KCNQ5: variants seen among roughly 807,000 people sequenced by gnomAD.
KCNQ5 encodes potassium voltage-gated channel subfamily KQT member 5.
In KCNQ5, 30 loss-of-function variants were observed where a neutral mutation model predicts 98.2. That is an observed-to-expected ratio of 0.31 (90% CI 0.23 to 0.41). KCNQ5 has a LOEUF of 0.41. Ranked by LOEUF, KCNQ5 falls within the 10% of genes least tolerant of loss-of-function variation. The probability of loss-of-function intolerance (pLI) is 1.00; values close to 1 mark genes in which losing one functional copy is unlikely to be tolerated. For missense variants in KCNQ5, 835 were observed against 1,182.5 expected, an observed-to-expected ratio of 0.71 and a Z score of 4.31; for synonymous variants, 458 against 449.4, an observed-to-expected ratio of 1.02 and a Z score of -0.24.
At chr6:73,179,455 T>C (rs9446861) in intron 11 of KCNQ5, among the ~76,000 whole-genome samples, 55,015 of 151,964 alleles carry the variant, frequency 0.36, 11,081 homozygotes, top group East Asian at 0.56. Flanking sequence ...ACAGCCAGAG[T>C]CCTCATGATC....
chr6:73,086,386 C>T (rs1773988780), intron 5 of KCNQ5, among the ~76,000 whole-genome samples: 1 of 152,172 alleles, frequency 6.6e-6, no homozygotes, highest in East Asian at 1.9e-4. Context: ...TCCTTTCACA[C>T]TGCCTGGGCT....
intron 5 of KCNQ5, among the ~76,000 whole-genome samples, chr6:73,103,981 A>G (rs989130707): frequency 6.6e-6 from 1 of 152,104 alleles, no homozygotes; most frequent in Non-Finnish European, 1.5e-5. Flanking sequence ...TCATAAATAT[A>G]TATACCTACT....
chr6:72,624,227 T>G (rs2098916959), intron 1 of KCNQ5, among the ~76,000 whole-genome samples: 1 of 152,250 alleles, frequency 6.6e-6, no homozygotes, highest in African/African-American at 2.4e-5. Context: ...TCCTCTGACC[T>G]GATATGTAAT....
intron 1 of KCNQ5, among the ~76,000 whole-genome samples, chr6:72,793,159 C>A (rs2154478314): frequency 6.6e-6 from 1 of 152,332 alleles, no homozygotes; most frequent in Admixed American, 6.5e-5. Flanking sequence ...TGTTTGTAAT[C>A]ATCTGAACTT....
At chr6:72,905,203 G>GCTTC in intron 1 of KCNQ5, among the ~76,000 whole-genome samples, 1 of 152,156 alleles carries the variant, frequency 6.6e-6, no homozygotes, top group South Asian at 2.1e-4. Context: ...TTCTATAAGT[G>GCTTC]CATCCGATGC....
rs553069907 is a variant in KCNQ5 at position 72,711,939 on chromosome 6, A to C, written c.398+89352A>C. On this transcript the variant is annotated intron_variant, in intron 1 of 13. Coordinates refer to ENST00000370398, the MANE Select transcript of KCNQ5 (RefSeq NM_019842.4). ...GAAACATCCAAGTGGAGAATCAGTC[A>C]GTGAATGAATCTGGAGCTCAGAGAA... Among the ~76,000 whole-genome samples the C allele has an allele frequency of 1.1e-3, 166 of 152,332 alleles. 1 individual carries two copies. Among genetic ancestry groups the C allele is most frequent in the Non-Finnish European group, 1.9e-3 (127 of 68,024 alleles).
intron 1 of KCNQ5, among the ~76,000 whole-genome samples, chr6:72,965,734 C>T (rs1432995945): frequency 1.3e-5 from 2 of 152,174 alleles, no homozygotes; most frequent in Non-Finnish European, 2.9e-5. Context: ...TAAGGTTTAT[C>T]TTATTAGCAT....
In KCNQ5 at chr6:73,085,509, C is replaced by T. The variant is rs146220375; in HGVS notation, c.918+7622C>T. ...ATCAGAGGGGAGAAAGTTATTGAGG[C>T]TGGGGGTTCAGTTGCTGGCTGTTCA... On this transcript the variant is annotated intron_variant, in intron 5 of 13. Coordinates refer to ENST00000370398, the MANE Select transcript of KCNQ5 (RefSeq NM_019842.4). 4.6e-3 allele frequency among the ~76,000 whole-genome samples: 694 copies of T among 152,280 alleles called. 2 individuals are homozygous for T. Among genetic ancestry groups the T allele is most frequent in the African/African-American group, 0.016 (659 of 41,558 alleles).
chr6:72,922,661 T>C (rs1260072815), intron 1 of KCNQ5, among the ~76,000 whole-genome samples: 1 of 152,144 alleles, frequency 6.6e-6, no homozygotes, highest in Non-Finnish European at 1.5e-5. Flanking sequence ...CATGCGGTAT[T>C]TGCTTTCTAT....
chr6:72,825,131 C>A (rs1053623262), intron 1 of KCNQ5, among the ~76,000 whole-genome samples: 3 of 148,642 alleles, frequency 2.0e-5, no homozygotes, highest in African/African-American at 7.8e-5. Flanking sequence ...GAGAAAAAAA[C>A]AAAACAAAAC....
chr6:72,987,419 C>G, intron 1 of KCNQ5: 1 of 698,510 alleles, frequency 1.4e-6, no homozygotes, highest in South Asian at 1.4e-5. Context: ...GGACGGGAAC[C>G]TAGTTTGGCC....
Position 73,124,632 on chromosome 6 carries a change from T to C in KCNQ5, c.1247+120T>C, listed in dbSNP as rs568296426. Reference sequence around the variant, plus strand: ...ATACAAGATGATTAAAAGTGACCTTTCACAAGATTGCCTGCAAAGATTGCT... The same window carrying C: ...ATACAAGATGATTAAAAGTGACCTTCCACAAGATTGCCTGCAAAGATTGCT... On this transcript the variant is annotated intron_variant, in intron 9 of 13. Transcript: ENST00000370398. 85 of 905,692 alleles carry C rather than the reference T, an allele frequency of 9.4e-5. No homozygotes were observed. In the African/African-American group the frequency reaches 1.3e-3, roughly 14 times the overall value. The allele number at this position is 905,692 out of a possible 1,614,324, so 56.1% of individuals were successfully genotyped here.
chr6:72,858,534 A>C (rs1014461071), intron 1 of KCNQ5, among the ~76,000 whole-genome samples: 4 of 151,798 alleles, frequency 2.6e-5, no homozygotes, highest in African/African-American at 7.2e-5. Flanking sequence ...TGAAAATAGT[A>C]ACCTTCGAAA....
intron 1 of KCNQ5, among the ~76,000 whole-genome samples, chr6:72,930,595 A>AAAAC (rs1765649163): frequency 6.6e-6 from 1 of 151,750 alleles, no homozygotes; most frequent in African/African-American, 2.4e-5. Context: ...AAAAAAAAAA[A>AAAAC]AAAACCGCTC....
In KCNQ5 at chr6:72,736,177, A is replaced by G. The variant is rs1021028356; in HGVS notation, c.398+113590A>G. On this transcript the variant is annotated intron_variant, in intron 1 of 13. Coordinates refer to ENST00000370398, the MANE Select transcript of KCNQ5 (RefSeq NM_019842.4). ...TGACAATTTTTGTCAGAACATATCA[A>G]AAGCTCTAAAATATCTCATCCCTTT... Among the ~76,000 whole-genome samples, 80 of 152,156 alleles carry G rather than the reference A, an allele frequency of 5.3e-4. 1 individual carries two copies. The highest frequency in any genetic ancestry group is 1.9e-4 in the East Asian group (1 of 5,190).
intron 1 of KCNQ5, among the ~76,000 whole-genome samples, chr6:72,691,887 A>ATGTCTACTGAC (rs1768229567): frequency 6.6e-6 from 1 of 152,234 alleles, no homozygotes; most frequent in African/African-American, 2.4e-5. Flanking sequence ...TTTCAAGCAT[A>ATGTCTACTGAC]AATATTTTGT....
chr6:72,758,269 CT>C (rs1314654284), intron 1 of KCNQ5, among the ~76,000 whole-genome samples: 2 of 152,092 alleles, frequency 1.3e-5, no homozygotes, highest in Non-Finnish European at 2.9e-5. Flanking sequence ...ATGCAATTAA[CT>C]TAAATCTTCC....
At chr6:72,665,846 G>T (rs1362106922) in intron 1 of KCNQ5, among the ~76,000 whole-genome samples, 1 of 152,124 alleles carries the variant, frequency 6.6e-6, no homozygotes, top group Admixed American at 6.5e-5. Flanking sequence ...TTACAGGGTG[G>T]CTATTTCTTA....
chr6:72,752,374 A>C (rs1410273410), intron 1 of KCNQ5, among the ~76,000 whole-genome samples: 1 of 152,174 alleles, frequency 6.6e-6, no homozygotes, highest in Non-Finnish European at 1.5e-5. Flanking sequence ...CTAATACCTG[A>C]AGGTAAGTAG....
Sources: gnomAD v4.1 joint callset for allele counts (sites outside exome capture counted in the v4.1 genomes callset) on GRCh38, gnomAD v4.1.1 for gene constraint, MANE v1.5 for transcripts, NCBI Gene and HGNC (gene_info 2026-07-23, HGNC 2026-07-21) for gene names.